Variants in PLEKHG5 observed in about 807,000 individuals in gnomAD.
The protein encoded by PLEKHG5 is pleckstrin homology and RhoGEF domain containing G5.
Under a neutral mutation model 103.8 loss-of-function variants are expected in PLEKHG5, and 52 were observed. The observed-to-expected ratio is 0.50, with a 90% confidence interval of 0.40 to 0.63. The LOEUF (loss-of-function observed/expected upper bound fraction) is 0.63, where lower values mean the gene tolerates loss of function less well. Among genes scored for constraint, PLEKHG5 ranks in the 30% least tolerant of loss-of-function variants. The pLI is 0.00. For missense variants in PLEKHG5, 1,205 were observed against 1,347.6 expected (o/e 0.89, Z 1.66); for synonymous variants, 592 against 575.5 (o/e 1.03, Z -0.41).
rs1323858843 is a variant in PLEKHG5, at chr1:6,469,056, G to A, written c.2235C>T (p.Pro745=). 1.4e-5 allele frequency: 22 copies of A among 1,613,536 alleles called. No homozygotes were observed. Among genetic ancestry groups the A allele is most frequent in the East Asian group, 2.2e-5 (1 of 44,890 alleles). Residue 745 remains proline (P), a synonymous_variant, in exon 19 of 21, where the codon CCC becomes CCT. Coordinates refer to ENST00000377728, the MANE Select transcript of PLEKHG5 (RefSeq NM_020631.6). ...PTIMRKSSGS[P]DSQHCASDGS... is the part of the protein sequence containing the mutation. ...AGCAGACGTACCAGTGCTGAGAGTCGGGGCTGCCGCTGCTTTTCCGCATGA... is the reference window on the plus strand; with the variant it reads ...AGCAGACGTACCAGTGCTGAGAGTCAGGGCTGCCGCTGCTTTTCCGCATGA...
At chr1:6,512,580 C>T (rs1043281294) in intron 1 of PLEKHG5, among the ~76,000 whole-genome samples, 9 of 152,240 alleles carry the variant, frequency 5.9e-5, no homozygotes, top group African/African-American at 2.2e-4. Context: ...CAACCACCAG[C>T]TGCAGCCTCG....
At chr1:6,467,668 T>C in intron 20 of PLEKHG5, 96 bp from the exon 21 acceptor site, 2 of 1,476,342 alleles carry the variant, frequency 1.4e-6, no homozygotes, top group Middle Eastern at 1.7e-4. Context: ...CTCAGGCCCC[T>C]TCACTGCTGC....
At chr1:6,484,366 C>T (rs1190010259) in intron 1 of PLEKHG5, among the ~76,000 whole-genome samples, 1 of 152,216 alleles carries the variant, frequency 6.6e-6, no homozygotes, top group South Asian at 2.1e-4. Context: ...ATCTGCTTCC[C>T]TCCTCTCAGC....
chr1:6,475,153 G>A lies in PLEKHG5; in HGVS notation c.211-15C>T. On this transcript the variant is annotated splice_polypyrimidine_tract_variant and intron_variant, in intron 4 of 20. Coordinates refer to ENST00000377728, the MANE Select transcript of PLEKHG5 (RefSeq NM_020631.6). ...TTGCTTGGGTCCTGGGAGGATGGTGGGGGTGGGGGCTGTGAGCTTCTCCTC... is the reference window on the plus strand; with the variant it reads ...TTGCTTGGGTCCTGGGAGGATGGTGAGGGTGGGGGCTGTGAGCTTCTCCTC... 1 of 1,479,440 alleles carries A rather than the reference G, an allele frequency of 6.8e-7. No homozygotes were observed. Among genetic ancestry groups the A allele is most frequent in the Non-Finnish European group, 9.5e-7 (1 of 1,058,106 alleles). 91.6% of individuals were successfully genotyped at this position (1,479,440 alleles called of 1,614,324 possible). A position where few individuals can be genotyped will look rare whatever the true frequency, so the allele number is the denominator to read the frequency against.
chr1:6,485,409 G>C, intron 1 of PLEKHG5: 3 of 1,354,950 alleles, frequency 2.2e-6, no homozygotes, highest in Non-Finnish European at 2.8e-6. Flanking sequence ...CCTGGAGGCT[G>C]CTAGGCGTCC....
At chr1:6,477,763 G>A (rs560691334) in intron 1 of PLEKHG5, 105 bp from the exon 2 acceptor site, 13 of 1,231,694 alleles carry the variant, frequency 1.1e-5, no homozygotes, top group Admixed American at 4.0e-5. Context: ...TCCATCTCTC[G>A]ATCCAGGGTG....
exon 1 of PLEKHG5, chr1:6,519,488 A>G (rs1273442174): frequency 1.2e-6 from 2 of 1,613,970 alleles, no homozygotes; most frequent in East Asian, 2.2e-5. Flanking sequence ...GTGGAGACCC[A>G]TGTTTTGTCA....
In PLEKHG5 at chr1:6,470,884, A is replaced by G. The variant is rs1206503310; in HGVS notation, c.1393T>C (p.Trp465Arg). The part of the protein sequence containing the change: ...DNDLFRAYIT[W>R]AEKHPQCQRL... ...TGGCACTGTGGGTGCTTCTCCGCCC[A>G]CTGCGGTGGGGGAGTGGGGGCGGGC... The change falls in exon 14 of 21, where the codon TGG (tryptophan) becomes CGG (arginine). Residue 465 changes from tryptophan (W) to arginine (R), a missense_variant and splice_region_variant. By Grantham distance (101) the Trp-to-Arg change is moderately radical. Coordinates refer to ENST00000377728, the MANE Select transcript of PLEKHG5 (RefSeq NM_020631.6). The G allele has an allele frequency of 5.2e-6, 8 of 1,530,608 alleles. No homozygotes were observed. The highest frequency in any genetic ancestry group is 7.0e-6 in the Non-Finnish European group (8 of 1,143,678). 94.8% of individuals were successfully genotyped at this position (1,530,608 alleles called of 1,614,324 possible).
chr1:6,481,299 G>C (rs905946960), intron 1 of PLEKHG5, among the ~76,000 whole-genome samples: 2 of 152,138 alleles, frequency 1.3e-5, no homozygotes, highest in Non-Finnish European at 2.9e-5. Context: ...GGGAGGCCGA[G>C]GCGGGCGGGT....
intron 1 of PLEKHG5, among the ~76,000 whole-genome samples, chr1:6,489,722 T>C (rs1645110966): frequency 6.6e-6 from 1 of 152,158 alleles, no homozygotes; most frequent in South Asian, 2.1e-4. Context: ...GTCTGGAGCC[T>C]ACGTTCCCCC....
intron 20 of PLEKHG5, 98 bp from the exon 21 acceptor site, chr1:6,467,670 C>T (rs1569825577): frequency 6.8e-7 from 1 of 1,461,800 alleles, no homozygotes; most frequent in Non-Finnish European, 9.6e-7. Flanking sequence ...CAGGCCCCTT[C>T]ACTGCTGCCC....
chr1:6,518,393 T>C (rs1638686309), intron 1 of PLEKHG5, among the ~76,000 whole-genome samples: 1 of 151,184 alleles, frequency 6.6e-6, no homozygotes. Flanking sequence ...AAACCCCGTC[T>C]CTACTAAAAC....
At chr1:6,496,389 G>GC, upstream of PLEKHG5, 1 of 868,996 alleles carries the variant, frequency 1.2e-6, no homozygotes, top group Non-Finnish European at 1.8e-6. Context: ...AGCCAGCCGC[G>GC]CCCGTGCCAG....
rs1299243502 is a variant in PLEKHG5, at chr1:6,490,537, G to T, written c.-88+1100C>A. On this transcript the variant is annotated intron_variant, in intron 1 of 20. Coordinates refer to ENST00000377728, the MANE Select transcript of PLEKHG5 (RefSeq NM_020631.6). The surrounding 1 kb of genome is among the most constrained non-coding windows in gnomAD (Gnocchi z 8.0). ...GCCTCATGGGGCGCGCGGGGAGAGGGGGACGGGAGCCGCGGGACGGGCTCA... is the reference window on the plus strand; with the variant it reads ...GCCTCATGGGGCGCGCGGGGAGAGGTGGACGGGAGCCGCGGGACGGGCTCA... 3 of 985,404 alleles carry T rather than the reference G, an allele frequency of 3.0e-6. No homozygotes were observed. The African/African-American group carries it at 5.2e-5, about 17-fold the overall frequency. 61.0% of individuals were successfully genotyped at this position (985,404 alleles called of 1,614,324 possible).
Position 6,490,643 on chromosome 1 carries a change from A to C in PLEKHG5, c.-88+994T>G, listed in dbSNP as rs373905152. The C allele has an allele frequency of 2.3e-4, 228 of 979,698 alleles. No individual in the cohort carries two copies. The African/African-American group carries it at 3.8e-3, about 16-fold the overall frequency. The allele number at this position is 979,698 out of a possible 1,614,324, so 60.7% of individuals were successfully genotyped here. On this transcript the variant is annotated intron_variant, in intron 1 of 20. Coordinates refer to ENST00000377728, the MANE Select transcript of PLEKHG5 (RefSeq NM_020631.6). This position sits in a 1 kb window ranked among gnomAD's most constrained non-coding sequence, Gnocchi z 8.0. The stretch of plus-strand genomic sequence containing the variant: ...GGCGCTACCACCTGGACCGGCCGGG[A>C]TGTACCAACGGCGCCGCCCGGCTGG...
chr1:6,467,949 C>T lies in PLEKHG5; in HGVS notation c.2887G>A (p.Gly963Arg), dbSNP rs780100460. 1 of 1,573,412 alleles carries T rather than the reference C, an allele frequency of 6.4e-7. No individual in the cohort carries two copies. Among genetic ancestry groups the T allele is most frequent in the Non-Finnish European group, 8.6e-7 (1 of 1,161,006 alleles). Residue 963 changes from glycine (G) to arginine (R), a missense_variant, in exon 20 of 21, where the codon GGG becomes AGG. Transcript: ENST00000377728. The stretch of plus-strand genomic sequence containing the variant: ...TCAGGCTGGACCCTGGGAGAGGCCC[C>T]CGAGGGCAGGTCTCCACACCTCTTC... ...HRKRCGDLPS[G>R]ASPRVQPEPP...
At chr1:6,503,017 T>C (rs186085179) in intron 1 of PLEKHG5, among the ~76,000 whole-genome samples, 16 of 152,264 alleles carry the variant, frequency 1.1e-4, no homozygotes, top group Admixed American at 1.0e-3. Context: ...GTGCCACCAC[T>C]TGGGATCTCA....
Position 6,509,751 on chromosome 1 carries a change from C to T in PLEKHG5, c.-165+9694G>A, listed in dbSNP as rs1056909812. Among the ~76,000 whole-genome samples the T allele has an allele frequency of 3.9e-5, 6 of 152,212 alleles. 1 individual carries two copies. The highest frequency in any genetic ancestry group is 7.4e-5 in the Non-Finnish European group (5 of 68,016). ...GCCTCCCAAGCTGGGCAGCCTCGGC[C>T]GTGACACTTCCCGATTCCACATCTG... On this transcript the variant is annotated intron_variant, in intron 1 of 21. Transcript: ENST00000377740.
chr1:6,494,940 G>A (rs914535778), upstream of PLEKHG5, among the ~76,000 whole-genome samples: 2 of 152,220 alleles, frequency 1.3e-5, no homozygotes, highest in Non-Finnish European at 2.9e-5. Context: ...TCTGGAGGCT[G>A]CAGAGGGACC....
Sources: allele counts gnomAD v4.1 joint callset (sites outside exome capture counted in the v4.1 genomes callset), GRCh38; gene constraint gnomAD v4.1.1; non-coding constraint Gnocchi (gnomAD v3.1); transcripts MANE v1.5; gene names NCBI Gene and HGNC (gene_info 2026-07-23, HGNC 2026-07-21).